Variants in ENTREP2 observed in about 807,000 individuals in gnomAD.
The protein encoded by ENTREP2 is protein ENTREP2.
At chr15:29,612,083 C>A in the ENTREP2 span, among the ~76,000 whole-genome samples, 1 of 152,210 alleles carries the variant, frequency 6.6e-6, no homozygotes, top group African/African-American at 2.4e-5. Context: ...TTCTGCATCT[C>A]TGTGATGTTT....
At chr15:29,670,026 T>C in the ENTREP2 span, among the ~76,000 whole-genome samples, 2 of 152,214 alleles carry the variant, frequency 1.3e-5, no homozygotes, top group African/African-American at 4.8e-5. Flanking sequence ...ATGCTATTCA[T>C]TCCGAAGCCA....
the ENTREP2 span, among the ~76,000 whole-genome samples, chr15:29,177,948 C>A: frequency 1.3e-5 from 2 of 151,878 alleles, no homozygotes; most frequent in African/African-American, 4.8e-5. Flanking sequence ...CAGGGACACC[C>A]GGGTGGTGAC....
At chr15:29,402,795 C>T in the ENTREP2 span, among the ~76,000 whole-genome samples, 6 of 152,166 alleles carry the variant, frequency 3.9e-5, no homozygotes, top group East Asian at 9.6e-4. Context: ...GAGATTTTGG[C>T]TTCCTCTTTA....
chr15:29,531,145 C>G, the ENTREP2 span, among the ~76,000 whole-genome samples: 1 of 152,208 alleles, frequency 6.6e-6, no homozygotes, highest in African/African-American at 2.4e-5. Flanking sequence ...TTTCTTCTTA[C>G]CTACGAGGGC....
At chr15:29,336,208 A>C in the ENTREP2 span, among the ~76,000 whole-genome samples, 1 of 151,794 alleles carries the variant, frequency 6.6e-6, no homozygotes, top group African/African-American at 2.4e-5. Context: ...ATACTTGTCC[A>C]AACTGTGAGT....
the ENTREP2 span, among the ~76,000 whole-genome samples, chr15:29,162,762 A>C: frequency 6.7e-6 from 1 of 150,172 alleles, no homozygotes; most frequent in Non-Finnish European, 1.5e-5. Flanking sequence ...TAATCTTGGG[A>C]GTTCTACAGC....
chr15:29,554,851 A>G, the ENTREP2 span, among the ~76,000 whole-genome samples: 1 of 152,210 alleles, frequency 6.6e-6, no homozygotes, highest in African/African-American at 2.4e-5. Flanking sequence ...CTCTTGACCT[A>G]GAAACCTCTT....
the ENTREP2 span, among the ~76,000 whole-genome samples, chr15:29,594,749 G>C: frequency 6.6e-6 from 1 of 152,120 alleles, no homozygotes; most frequent in African/African-American, 2.4e-5. Flanking sequence ...AATCACTTGA[G>C]GTCAGGAATT....
chr15:29,394,641 C>G, the ENTREP2 span, among the ~76,000 whole-genome samples: 1 of 152,204 alleles, frequency 6.6e-6, no homozygotes, highest in African/African-American at 2.4e-5. Context: ...AGTCCATTCA[C>G]CTTGTGCAAA....
the ENTREP2 span, among the ~76,000 whole-genome samples, chr15:29,150,994 A>ACCC: frequency 6.6e-6 from 1 of 152,072 alleles, no homozygotes; most frequent in Non-Finnish European, 1.5e-5. Flanking sequence ...GCGCATAGAT[A>ACCC]TTCCTACCCT....
chr15:29,448,634 T>A, the ENTREP2 span, among the ~76,000 whole-genome samples: 1 of 152,148 alleles, frequency 6.6e-6, no homozygotes, highest in Non-Finnish European at 1.5e-5. Context: ...CAAGAACAAA[T>A]CGAGACGAAC....
chr15:29,226,962 C>CAGCT, the ENTREP2 span, among the ~76,000 whole-genome samples: 1 of 152,194 alleles, frequency 6.6e-6, no homozygotes, highest in South Asian at 2.1e-4. Context: ...CAGATGATGT[C>CAGCT]AGCTAACTGA....
chr15:29,128,977 G>A, the ENTREP2 span: 361 of 652,712 alleles, frequency 5.5e-4, 2 homozygotes, highest in East Asian at 9.4e-3. Flanking sequence ...GCTGAGAGAC[G>A]TTCATCCACA....
At chr15:29,327,134 T>C in the ENTREP2 span, among the ~76,000 whole-genome samples, 1 of 152,124 alleles carries the variant, frequency 6.6e-6, no homozygotes, top group Non-Finnish European at 1.5e-5. Context: ...ACAGAATATC[T>C]TGGTGATTTG....
the ENTREP2 span, among the ~76,000 whole-genome samples, chr15:29,354,807 G>T: frequency 6.6e-6 from 1 of 152,098 alleles, no homozygotes; most frequent in Non-Finnish European, 1.5e-5. Context: ...GTTAAGACCA[G>T]GCCAGATACT....
chr15:29,575,407 A>G, the ENTREP2 span, among the ~76,000 whole-genome samples: 1 of 152,184 alleles, frequency 6.6e-6, no homozygotes, highest in South Asian at 2.1e-4. Flanking sequence ...ATCATAATCA[A>G]TGGTGAGAGA....
At chr15:29,194,469 G>A in the ENTREP2 span, among the ~76,000 whole-genome samples, 1 of 152,202 alleles carries the variant, frequency 6.6e-6, no homozygotes, top group Middle Eastern at 3.2e-3. Flanking sequence ...TTAAAATAGT[G>A]TAGTCTTTCC....
chr15:29,472,911 A>G, the ENTREP2 span, among the ~76,000 whole-genome samples: 1 of 152,238 alleles, frequency 6.6e-6, no homozygotes, highest in Non-Finnish European at 1.5e-5. Context: ...AAGAGAATAA[A>G]AAATAGATTG....
the ENTREP2 span, chr15:29,570,685 G>C: frequency 5.1e-6 from 6 of 1,168,672 alleles, no homozygotes; most frequent in Non-Finnish European, 6.3e-6. Flanking sequence ...GGGGCAGCGC[G>C]GCGGGACGCG....
Sources: gnomAD v4.1 joint callset for allele counts (sites outside exome capture counted in the v4.1 genomes callset) on GRCh38, gnomAD v4.1.1 for gene constraint, MANE v1.5 for transcripts, NCBI Gene and HGNC (gene_info 2026-07-23, HGNC 2026-07-21) for gene names.